CNTLN: variants seen among roughly 807,000 people sequenced by gnomAD.
The protein encoded by CNTLN is centlein.
CNTLN carries 212 observed loss-of-function variants against 180.0 expected under a neutral mutation model. The observed-to-expected ratio is 1.18, with a 90% CI of 1.05 to 1.32. CNTLN has a LOEUF of 1.32. Among genes scored for constraint, CNTLN ranks in the 40% most tolerant of loss-of-function variants. The pLI, the probability that CNTLN is intolerant of heterozygous loss-of-function variation, is 0.00. For missense variants in CNTLN, 2,095 were observed against 1,610.9 expected, an observed-to-expected ratio of 1.30 and a Z score of -5.14; for synonymous variants, 722 against 563.1, an observed-to-expected ratio of 1.28 and a Z score of -3.99.
At chr9:17,453,690 C>T (rs1830933759) in intron 18 of CNTLN, among the ~76,000 whole-genome samples, 1 of 152,130 alleles carries the variant, frequency 6.6e-6, no homozygotes, top group South Asian at 2.1e-4. Flanking sequence ...AGCCAGGCTG[C>T]CTTTTTTGAA....
intron 16 of CNTLN, among the ~76,000 whole-genome samples, chr9:17,413,255 A>G (rs987718834): frequency 1.3e-4 from 20 of 152,168 alleles, no homozygotes; most frequent in Non-Finnish European, 1.2e-4. Context: ...ACTTTATACA[A>G]AAATTAATTT....
intron 23 of CNTLN, among the ~76,000 whole-genome samples, chr9:17,478,063 C>A (rs1832447648): frequency 6.6e-6 from 1 of 152,166 alleles, no homozygotes; most frequent in Non-Finnish European, 1.5e-5. Flanking sequence ...CAAGACTCTC[C>A]ACTAGCAAAG....
chr9:17,436,346 G>T (rs1236711569), intron 18 of CNTLN, among the ~76,000 whole-genome samples: 1 of 152,180 alleles, frequency 6.6e-6, no homozygotes, highest in East Asian at 1.9e-4. Flanking sequence ...CAATCTTAAA[G>T]CAGTTTCCTT....
chr9:17,236,691 C>T (rs2132158252), intron 5 of CNTLN, 103 bp downstream of exon 5: 1 of 826,552 alleles, frequency 1.2e-6, no homozygotes, highest in African/African-American at 1.7e-5. Context: ...TTCATATCCA[C>T]CAGTGGGGAC....
At chr9:17,361,891 T>C (rs933943267) in intron 12 of CNTLN, among the ~76,000 whole-genome samples, 1 of 152,216 alleles carries the variant, frequency 6.6e-6, no homozygotes, top group Non-Finnish European at 1.5e-5. Flanking sequence ...GTGGTCCTCA[T>C]ACCAGAGTAT....
chr9:17,193,186 C>G (rs1821901568), intron 2 of CNTLN, among the ~76,000 whole-genome samples: 1 of 152,070 alleles, frequency 6.6e-6, no homozygotes, highest in Non-Finnish European at 1.5e-5. Flanking sequence ...ACAGGCCAAA[C>G]CATATCATTC....
At chr9:17,342,542 A>G in intron 12 of CNTLN, 98 bp downstream of exon 12, 1 of 1,115,054 alleles carries the variant, frequency 9.0e-7, no homozygotes, top group Non-Finnish European at 1.2e-6. Flanking sequence ...ATAAAATTTG[A>G]AATAATCTGA....
chr9:17,354,943 G>A (rs1429979136), intron 12 of CNTLN, among the ~76,000 whole-genome samples: 1 of 151,754 alleles, frequency 6.6e-6, no homozygotes, highest in Non-Finnish European at 1.5e-5. Context: ...CGGGAGGAAG[G>A]AACAACTCCA....
At chr9:17,269,652 T>G (rs1247460519) in intron 5 of CNTLN, among the ~76,000 whole-genome samples, 3 of 152,302 alleles carry the variant, frequency 2.0e-5, no homozygotes, top group Non-Finnish European at 2.9e-5. Flanking sequence ...ATTTTAGTAT[T>G]TTAAAAATTG....
intron 22 of CNTLN, 64 bp downstream of exon 22, chr9:17,466,182 A>G (rs1287186895): frequency 2.8e-6 from 4 of 1,450,926 alleles, no homozygotes; most frequent in Non-Finnish European, 3.8e-6. Flanking sequence ...TTTCATTTTT[A>G]ACATTGTTGC....
chr9:17,262,481 A>G (rs1013733471), intron 5 of CNTLN, among the ~76,000 whole-genome samples: 23 of 151,478 alleles, frequency 1.5e-4, no homozygotes, highest in African/African-American at 5.6e-4. Flanking sequence ...AGGAACAGAA[A>G]ACCAGCACTG....
intron 18 of CNTLN, among the ~76,000 whole-genome samples, chr9:17,429,957 T>C (rs1829318348): frequency 6.6e-6 from 1 of 152,018 alleles, no homozygotes; most frequent in African/African-American, 2.4e-5. Context: ...ATTTAATATT[T>C]GGCAAAAAAT....
chr9:17,365,963 G>A (rs1823784211), intron 12 of CNTLN, among the ~76,000 whole-genome samples: 2 of 152,088 alleles, frequency 1.3e-5, no homozygotes, highest in Admixed American at 6.5e-5. Flanking sequence ...CCAAGAAGTG[G>A]TTGAGCAATT....
rs139777929 is a variant in CNTLN, at chr9:17,403,023, G to A, written c.2616-6270G>A. Reference sequence around the variant, plus strand: ...AGTGAAGATTGAGATCAATGTTGAGGGAGTGCGTCAAAAGAGGCATTTTTC... The same window carrying A: ...AGTGAAGATTGAGATCAATGTTGAGAGAGTGCGTCAAAAGAGGCATTTTTC... On this transcript the variant is annotated intron_variant, in intron 15 of 25. Transcript: ENST00000380647. 3.5e-3 allele frequency among the ~76,000 whole-genome samples: 530 copies of A among 151,804 alleles called. 17 individuals carry two copies. Among genetic ancestry groups the A allele is most frequent in the African/African-American group, 0.012 (496 of 41,200 alleles).
At chr9:17,215,053 C>T (rs558835361) in intron 2 of CNTLN, among the ~76,000 whole-genome samples, 7 of 152,346 alleles carry the variant, frequency 4.6e-5, no homozygotes, top group East Asian at 3.9e-4. Context: ...TTTCTCAACT[C>T]GTTAAAGTGA....
chr9:17,395,201 C>G, intron 15 of CNTLN, 132 bp downstream of exon 15: 1 of 1,325,830 alleles, frequency 7.5e-7, no homozygotes, highest in Non-Finnish European at 9.9e-7. Flanking sequence ...TTTGAAATAT[C>G]TTGGGAGGTC....
intron 12 of CNTLN, among the ~76,000 whole-genome samples, chr9:17,355,661 G>C (rs926258703): frequency 6.6e-6 from 1 of 152,152 alleles, no homozygotes; most frequent in African/African-American, 2.4e-5. Context: ...TTGATACTCA[G>C]TTATCCCAAA....
intron 6 of CNTLN, among the ~76,000 whole-genome samples, chr9:17,274,493 C>G (rs200391034): frequency 0.017 from 2,569 of 147,016 alleles, 44 homozygotes; most frequent in South Asian, 0.085. Context: ...ATCTATCTAT[C>G]TATCTATCTA....
At chr9:17,160,392 T>C (rs1366832159) in intron 2 of CNTLN, among the ~76,000 whole-genome samples, 1 of 152,166 alleles carries the variant, frequency 6.6e-6, no homozygotes, top group Non-Finnish European at 1.5e-5. Context: ...TTAGTTATTT[T>C]ACTACCTAAC....
Sources: gnomAD v4.1 joint callset for allele counts (sites outside exome capture counted in the v4.1 genomes callset) on GRCh38, gnomAD v4.1.1 for gene constraint, MANE v1.5 for transcripts, NCBI Gene and HGNC (gene_info 2026-07-23, HGNC 2026-07-21) for gene names.